Variants in NYAP2 observed in about 807,000 individuals in gnomAD.
The protein encoded by NYAP2 is neuronal tyrosine-phosphorylated phosphoinositide-3-kinase adapter 2.
A neutral mutation model predicts 50.4 loss-of-function variants in NYAP2; 23 were observed. The ratio of observed to expected loss-of-function variants is 0.46; its 90% confidence interval spans 0.33 to 0.65. The LOEUF (loss-of-function observed/expected upper bound fraction) is 0.65, where lower values mean the gene tolerates loss of function less well. Ranked by LOEUF, NYAP2 falls within the 30% of genes least tolerant of loss-of-function variation. NYAP2 has a pLI of 0.02. For missense variants in NYAP2, 885 were observed against 861.0 expected, an observed-to-expected ratio of 1.03 and a Z score of -0.35; for synonymous variants, 394 against 365.2, an observed-to-expected ratio of 1.08 and a Z score of -0.90.
chr2:225,515,459 A>G (rs1690912420), intron 4 of NYAP2, among the ~76,000 whole-genome samples: 1 of 150,738 alleles, frequency 6.6e-6, no homozygotes, highest in African/African-American at 2.5e-5. Flanking sequence ...TAGTGCTACA[A>G]TGAACATTCA....
chr2:225,638,847 G>A (rs968780874), intron 6 of NYAP2, among the ~76,000 whole-genome samples: 2 of 152,220 alleles, frequency 1.3e-5, no homozygotes, highest in African/African-American at 4.8e-5. Flanking sequence ...TGGGGACCAA[G>A]TTGGGAACAG....
intron 6 of NYAP2, among the ~76,000 whole-genome samples, chr2:225,630,856 G>A (rs1215701110): frequency 6.6e-6 from 1 of 152,222 alleles, no homozygotes; most frequent in African/African-American, 2.4e-5. Context: ...AATGTGAGAT[G>A]CGGAGCAAGA....
intron 4 of NYAP2, among the ~76,000 whole-genome samples, chr2:225,519,908 T>C (rs2106190253): frequency 6.6e-6 from 1 of 152,298 alleles, no homozygotes; most frequent in Middle Eastern, 3.4e-3. Flanking sequence ...AGTGTTCCTA[T>C]TTCTCCACAT....
At chr2:225,545,143 C>T (rs1241689477) in intron 4 of NYAP2, among the ~76,000 whole-genome samples, 4 of 152,164 alleles carry the variant, frequency 2.6e-5, no homozygotes, top group African/African-American at 4.8e-5. Context: ...TTTGGAAGTT[C>T]GCTTTTAAAT....
chr2:225,693,720 C>G, the NYAP2 span, among the ~76,000 whole-genome samples: 4 of 151,956 alleles, frequency 2.6e-5, no homozygotes, highest in South Asian at 2.1e-4. Flanking sequence ...TAGTCCCATG[C>G]ACCTCCCAAT....
intron 5 of NYAP2, among the ~76,000 whole-genome samples, chr2:225,590,979 G>C (rs144215576): frequency 7.2e-5 from 11 of 152,200 alleles, no homozygotes; most frequent in Non-Finnish European, 1.6e-4. Context: ...ACTGATAAAA[G>C]CTGCTTCAGA....
At chr2:225,625,696 A>G (rs1357273277) in intron 5 of NYAP2, among the ~76,000 whole-genome samples, 3 of 152,180 alleles carry the variant, frequency 2.0e-5, no homozygotes, top group Admixed American at 2.0e-4. Flanking sequence ...ACAGGGAAAG[A>G]CAAAGCTAGA....
intron 3 of NYAP2, among the ~76,000 whole-genome samples, chr2:225,438,804 G>C (rs1036712735): frequency 4.6e-5 from 7 of 152,156 alleles, no homozygotes; most frequent in Non-Finnish European, 1.0e-4. Context: ...ACCTAAACCA[G>C]AATTAGAGTA....
At chr2:225,636,026 C>T (rs80171711) in intron 6 of NYAP2, among the ~76,000 whole-genome samples, 15,310 of 152,178 alleles carry the variant, frequency 0.1, 1,057 homozygotes, top group Non-Finnish European at 0.15. Context: ...ATTTCTTCAA[C>T]GTATACTTTG....
chr2:225,539,334 G>T (rs1392667619), intron 4 of NYAP2, among the ~76,000 whole-genome samples: 1 of 152,198 alleles, frequency 6.6e-6, no homozygotes, highest in Non-Finnish European at 1.5e-5. Context: ...ATAGTAGAAT[G>T]ATTTATAATC....
At chr2:225,403,025 T>G (rs74347963) in intron 2 of NYAP2, among the ~76,000 whole-genome samples, 1 of 152,152 alleles carries the variant, frequency 6.6e-6, no homozygotes, top group East Asian at 1.9e-4. Context: ...AATCCTTACA[T>G]TTTCATACAC....
chr2:225,440,763 ATTTAT>A (rs773687309), intron 3 of NYAP2, among the ~76,000 whole-genome samples: 1 of 152,214 alleles, frequency 6.6e-6, no homozygotes, highest in Non-Finnish European at 1.5e-5. Flanking sequence ...GCTGGATTGA[ATTTAT>A]CTAACTTCTG....
the NYAP2 span, among the ~76,000 whole-genome samples, chr2:225,668,716 T>C: frequency 6.6e-6 from 1 of 151,784 alleles, no homozygotes; most frequent in Admixed American, 6.6e-5. Context: ...TTACTCTCAA[T>C]GCACTGTCCT....
chr2:225,519,903 TC>T (rs1188202456), intron 4 of NYAP2, among the ~76,000 whole-genome samples: 1 of 152,132 alleles, frequency 6.6e-6, no homozygotes, highest in Non-Finnish European at 1.5e-5. Context: ...GTAAAAGTGT[TC>T]CTATTTCTCC....
At chr2:225,450,321 A>G (rs999079518) in intron 3 of NYAP2, among the ~76,000 whole-genome samples, 2 of 152,234 alleles carry the variant, frequency 1.3e-5, no homozygotes, top group Admixed American at 1.3e-4. Context: ...ATCAGTAAAT[A>G]TGAAGAGAGA....
the NYAP2 span, among the ~76,000 whole-genome samples, chr2:225,673,615 C>A: frequency 6.6e-6 from 1 of 152,062 alleles, no homozygotes; most frequent in Admixed American, 6.6e-5. Context: ...TTTCTTTAGG[C>A]AGTGATGGGT....
intron 5 of NYAP2, among the ~76,000 whole-genome samples, chr2:225,609,325 T>C (rs1692841192): frequency 6.6e-6 from 1 of 152,162 alleles, no homozygotes; most frequent in Admixed American, 6.5e-5. Flanking sequence ...TACCTGATTA[T>C]GAGGCCTTTT....
chr2:225,658,289 A>T (rs1425780979), downstream of NYAP2, among the ~76,000 whole-genome samples: 1 of 152,180 alleles, frequency 6.6e-6, no homozygotes, highest in Non-Finnish European at 1.5e-5. Context: ...TCCAAACATG[A>T]AAAACCCTAA....
chr2:225,645,369 G>T (rs1261065759), intron 6 of NYAP2, among the ~76,000 whole-genome samples: 1 of 152,038 alleles, frequency 6.6e-6, no homozygotes, highest in African/African-American at 2.4e-5. Flanking sequence ...CTTGATAATT[G>T]TTTACTCAAA....
Sources: allele counts gnomAD v4.1 joint callset (sites outside exome capture counted in the v4.1 genomes callset), GRCh38; gene constraint gnomAD v4.1.1; transcripts MANE v1.5; gene names NCBI Gene and HGNC (gene_info 2026-07-23, HGNC 2026-07-21).